The following GOLGA8A variants were observed in gnomAD, a reference collection of about 807,000 sequenced individuals.
GOLGA8A encodes golgin subfamily A member 8A.
A neutral mutation model predicts 22.1 loss-of-function variants in GOLGA8A; 3 were observed. That is an observed-to-expected ratio of 0.14 (90% CI 0.06 to 0.35). GOLGA8A has a LOEUF of 0.35. GOLGA8A is among the 10% of genes least tolerant of loss of function. The pLI is 1.00. For missense variants in GOLGA8A, 16 were observed against 233.2 expected, an observed-to-expected ratio of 0.07 and a Z score of 6.07; for synonymous variants, 7 against 91.7, an observed-to-expected ratio of 0.08 and a Z score of 5.28.
chr15:34,433,045 C>A (rs181057364), intron 2 of GOLGA8A, among the ~76,000 whole-genome samples: 1 of 149,266 alleles, frequency 6.7e-6, no homozygotes, highest in East Asian at 2.0e-4. Context: ...TGGTCCTGGG[C>A]CCCAGGGATT....
intron 5 of GOLGA8A, among the ~76,000 whole-genome samples, chr15:34,404,698 C>T (rs375811717): frequency 0.079 from 11,276 of 141,838 alleles, 5 homozygotes; most frequent in Admixed American, 0.19. Context: ...CACTGGAGCC[C>T]GGGAGATCAA....
Position 34,434,685 on chromosome 15 carries a change from T to C in GOLGA8A, c.-1123+698A>G, listed in dbSNP as rs68147334. On this transcript the variant is annotated intron_variant, in intron 2 of 24. Coordinates refer to ENST00000359187, the MANE Select transcript of GOLGA8A (RefSeq NM_181077.5). Reference sequence around the variant, plus strand: ...GGCCAACCACCACCCAAGGGAACAATGAGCACCCCCAGCCCCCGATGGGCA... The same window carrying C: ...GGCCAACCACCACCCAAGGGAACAACGAGCACCCCCAGCCCCCGATGGGCA... Among the ~76,000 whole-genome samples, 107 of 149,098 alleles carry C rather than the reference T, an allele frequency of 7.2e-4. 9 individuals carry two copies. Among genetic ancestry groups the C allele is most frequent in the African/African-American group, 2.4e-3 (96 of 40,436 alleles).
In GOLGA8A at chr15:34,436,545, A is replaced by T. The variant is rs1246542827; in HGVS notation, c.-1212+853T>A. Among the ~76,000 whole-genome samples the T allele has an allele frequency of 1.3e-5, 2 of 149,936 alleles. 1 individual carries two copies. The highest frequency in any genetic ancestry group is 3.0e-5 in the Non-Finnish European group (2 of 67,288). Reference sequence around the variant, plus strand: ...TAAGTTAAGACTAGCAGGCCCCTCTAAGGCTCTGCTCTCCACTGGGGTGCT... The same window carrying T: ...TAAGTTAAGACTAGCAGGCCCCTCTTAGGCTCTGCTCTCCACTGGGGTGCT... On this transcript the variant is annotated intron_variant, in intron 1 of 24. Transcript: ENST00000359187.
chr15:34,436,289 G>A (rs894058709), intron 1 of GOLGA8A, among the ~76,000 whole-genome samples: 2 of 149,416 alleles, frequency 1.3e-5, no homozygotes, highest in African/African-American at 4.9e-5. Flanking sequence ...GAAACAGGAA[G>A]GAAAATAGAA....
At chr15:34,421,180 C>T (rs2140271980) in intron 2 of GOLGA8A, among the ~76,000 whole-genome samples, 1 of 143,724 alleles carries the variant, frequency 7.0e-6, no homozygotes, top group African/African-American at 2.5e-5. Context: ...CTGACATTTG[C>T]TCTGGGAGAT....
rs1054055567 is a variant in GOLGA8A, at chr15:34,431,066, T to C, written c.-1123+4317A>G. On this transcript the variant is annotated intron_variant, in intron 2 of 24. Coordinates refer to ENST00000359187, the MANE Select transcript of GOLGA8A (RefSeq NM_181077.5). ...CTTGCTTCCAGAGAGACCTGAGAAA[T>C]CCATCATCCCTAAATGCATGCGGTT... 5.9e-4 allele frequency among the ~76,000 whole-genome samples: 88 copies of C among 148,728 alleles called. 3 individuals are homozygous for C. Among genetic ancestry groups the C allele is most frequent in the African/African-American group, 2.1e-3 (83 of 40,180 alleles).
intron 2 of GOLGA8A, among the ~76,000 whole-genome samples, chr15:34,433,088 T>C (rs543715472): frequency 6.7e-6 from 1 of 149,042 alleles, no homozygotes; most frequent in South Asian, 2.2e-4. Flanking sequence ...TGAGCTCCTG[T>C]TACTCCAAAT....
At chr15:34,401,103 T>C (rs1200530797) in intron 5 of GOLGA8A, among the ~76,000 whole-genome samples, 1 of 23,660 alleles carries the variant, frequency 4.2e-5, no homozygotes, top group Non-Finnish European at 1.2e-4. Context: ...AACACATACA[T>C]TCAGAAAGTT....
Position 34,385,773 on chromosome 15 carries a change from T to C in GOLGA8A, c.291A>G (p.Gln97=), listed in dbSNP as rs1137066. The change falls in exon 13 of 25, where the codon CAA becomes CAG. Residue 97 remains glutamine (Q), a synonymous_variant. Transcript: ENST00000359187. ...RLNDTIKSLK[Q]QKKQVEHQLE... Reference sequence around the variant, plus strand: ...GCTGATGTTCCACTTGTTTCTTCTGTTGTTTCTGTGGGGAGAGTCAAATTA... The same window carrying C: ...GCTGATGTTCCACTTGTTTCTTCTGCTGTTTCTGTGGGGAGAGTCAAATTA... 157,180 of 981,928 alleles carry C rather than the reference T, an allele frequency of 0.16. 6,645 individuals carry two copies. The highest frequency in any genetic ancestry group is 0.26 in the Admixed American group (12,086 of 46,380). The allele number at this position is 981,928 out of a possible 1,614,324, so 60.8% of individuals were successfully genotyped here. A position where few individuals can be genotyped will look rare whatever the true frequency, so the allele number is the denominator to read the frequency against.
chr15:34,420,836 A>G (rs1892768371), intron 2 of GOLGA8A, among the ~76,000 whole-genome samples: 1 of 129,424 alleles, frequency 7.7e-6, no homozygotes, highest in African/African-American at 2.9e-5. Flanking sequence ...ACAGATTCGG[A>G]GTCACATCTC....
At chr15:34,435,073 G>A (rs551888366) in intron 2 of GOLGA8A, among the ~76,000 whole-genome samples, 2 of 149,562 alleles carry the variant, frequency 1.3e-5, no homozygotes, top group East Asian at 3.9e-4. Flanking sequence ...GACTTCAGAC[G>A]ACGGTGTCAC....
At chr15:34,431,341 ATATATC>A in intron 2 of GOLGA8A, among the ~76,000 whole-genome samples, 1 of 103,098 alleles carries the variant, frequency 9.7e-6, no homozygotes, top group South Asian at 4.3e-4. Flanking sequence ...ATATATATAT[ATATATC>A]TCACACACAC....
intron 2 of GOLGA8A, among the ~76,000 whole-genome samples, chr15:34,429,879 G>A (rs1394177988): frequency 2.7e-5 from 4 of 147,922 alleles, no homozygotes; most frequent in South Asian, 2.2e-4. Flanking sequence ...TTAGTGTCCC[G>A]CACCCCTTTG....
chr15:34,379,591 C>G lies in GOLGA8A; in HGVS notation c.*1820G>C, dbSNP rs905921558. 1.3e-5 allele frequency: 2 copies of G among 152,602 alleles called. No individual in the cohort carries two copies. The highest frequency in any genetic ancestry group is 2.4e-5 in the African/African-American group (1 of 41,436). 9.5% of individuals were successfully genotyped at this position (152,602 alleles called of 1,614,324 possible). A position where few individuals can be genotyped will look rare whatever the true frequency, so the allele number is the denominator to read the frequency against. ...AAATCTGTTATTCCATTGGCAAAAT[C>G]GTATTGCTGCTCTCCTGTTAATCTC... On this transcript the variant is annotated 3_prime_UTR_variant, in exon 25 of 25. Coordinates refer to ENST00000359187, the MANE Select transcript of GOLGA8A (RefSeq NM_181077.5).
intron 2 of GOLGA8A, among the ~76,000 whole-genome samples, chr15:34,421,685 T>C (rs1892804114): frequency 7.0e-6 from 1 of 142,036 alleles, no homozygotes; most frequent in African/African-American, 2.6e-5. Flanking sequence ...ACTTACCCCT[T>C]TTTCATCACT....
In GOLGA8A at chr15:34,437,012, G is replaced by A. The variant is rs549321499; in HGVS notation, c.-1212+386C>T. Among the ~76,000 whole-genome samples, 17 of 149,360 alleles carry A rather than the reference G, an allele frequency of 1.1e-4. 1 individual carries two copies. The South Asian group carries it at 3.6e-3, about 32-fold the overall frequency. The stretch of plus-strand genomic sequence containing the variant: ...CTTGATGCCGGCGCCAAGCCGGGCA[G>A]CGGAACGCACCAGCGGCCCGACCAG... On this transcript the variant is annotated intron_variant, in intron 1 of 24. Transcript: ENST00000359187.
At chr15:34,420,727 C>T (rs1430649507) in intron 2 of GOLGA8A, among the ~76,000 whole-genome samples, 1 of 126,118 alleles carries the variant, frequency 7.9e-6, no homozygotes, top group Non-Finnish European at 1.7e-5. Context: ...AGGCAGACTT[C>T]ATGGCTGAAA....
chr15:34,386,078 G>A (rs1389075314), intron 12 of GOLGA8A, among the ~76,000 whole-genome samples: 1 of 146,778 alleles, frequency 6.8e-6, no homozygotes. Context: ...TTAGAAAAGT[G>A]TGTTCATTCA....
At chr15:34,433,305 C>T (rs142814904) in intron 2 of GOLGA8A, among the ~76,000 whole-genome samples, 13,987 of 148,724 alleles carry the variant, frequency 0.094, 1,735 homozygotes, top group South Asian at 0.25. Flanking sequence ...GGAATCTGGG[C>T]GTGGGGGTGC....
Sources: allele counts gnomAD v4.1 joint callset (sites outside exome capture counted in the v4.1 genomes callset), GRCh38; gene constraint gnomAD v4.1.1; transcripts MANE v1.5; gene names NCBI Gene and HGNC (gene_info 2026-07-23, HGNC 2026-07-21).